The following PAX5 variants were observed in gnomAD, a reference collection of about 807,000 sequenced individuals.
The protein encoded by PAX5 is paired box protein Pax-5.
PAX5 carries 9 observed loss-of-function variants against 43.7 expected under a neutral mutation model. That is an observed-to-expected ratio of 0.21 (90% CI 0.12 to 0.36). The LOEUF is 0.36. Among genes scored for constraint, PAX5 ranks in the 10% least tolerant of loss-of-function variants. PAX5 has a pLI of 1.00. For synonymous variants in PAX5, 228 were observed against 214.3 expected (o/e 1.06, Z -0.56); for missense variants, 383 against 532.7 (o/e 0.72, Z 2.77).
In PAX5 at chr9:36,840,579, G is replaced by A; in HGVS notation, c.1157C>T (p.Thr386Ile). The change falls in exon 10 of 10, where the codon ACT becomes ATT. Residue 386 changes from threonine to isoleucine, a missense_variant. Around this residue, in one of 5 missense-constraint regions of PAX5, gnomAD observed 291 missense variants for 342.5 expected, o/e 0.85. Coordinates refer to ENST00000358127, the MANE Select transcript of PAX5 (RefSeq NM_016734.3). The part of the protein sequence containing the change: ...ARGAAPPAAA[T>I]AYDRH The stretch of plus-strand genomic sequence containing the variant: ...CAAGGGTCAGTGACGGTCATAGGCA[G>A]TGGCGGCTGCAGGTGGGGCGGCTCC... 1 of 1,587,346 alleles carries A rather than the reference G, an allele frequency of 6.3e-7. No homozygotes were observed. Among genetic ancestry groups the A allele is most frequent in the South Asian group, 1.2e-5 (1 of 86,380 alleles).
intron 6 of PAX5, among the ~76,000 whole-genome samples, chr9:36,937,537 C>T (rs1426463830): frequency 6.6e-6 from 1 of 152,202 alleles, no homozygotes; most frequent in African/African-American, 2.4e-5. Context: ...CCACGATGTG[C>T]CGGAGCCCTG....
intron 6 of PAX5, among the ~76,000 whole-genome samples, chr9:36,938,124 G>A (rs1831719179): frequency 6.6e-6 from 1 of 152,172 alleles, no homozygotes; most frequent in South Asian, 2.1e-4. Flanking sequence ...CAACGGTGGT[G>A]TTTCTGCTTG....
In PAX5 at chr9:36,893,803, C is replaced by T. The variant is rs893817845; in HGVS notation, c.911-11698G>A. Among the ~76,000 whole-genome samples, 15 of 152,336 alleles carry T rather than the reference C, an allele frequency of 9.8e-5. No individual in the cohort carries two copies. The East Asian group carries it at 1.5e-3, about 16-fold the overall frequency. ...ACGTGCAGAGCCTTCGCTACTGTAT[C>T]GGCGAGGTTCAGTAATGCTGGTTCC... On this transcript the variant is annotated intron_variant, in intron 7 of 9. Transcript: ENST00000358127.
rs955578717 is a variant in PAX5 at position 36,912,268 on chromosome 9, C to A, written c.910+11087G>T. On this transcript the variant is annotated intron_variant, in intron 7 of 9. Transcript: ENST00000358127. ...TAACTACCATTTATGGGGTGTTTAC[C>A]ACCTGCCAAGCACTGTGCTAAGCAC... Among the ~76,000 whole-genome samples the A allele has an allele frequency of 7.2e-5, 11 of 152,358 alleles. No individual in the cohort carries two copies. In the South Asian group the frequency reaches 1.7e-3, roughly 23 times the overall value.
At chr9:36,950,742 T>G (rs12004247) in intron 6 of PAX5, among the ~76,000 whole-genome samples, 5 of 134,036 alleles carry the variant, frequency 3.7e-5, no homozygotes, top group African/African-American at 1.6e-4. Flanking sequence ...TTTCTTTTTT[T>G]TTTTTTTTTT....
chr9:36,860,979 C>A (rs1239603249), intron 8 of PAX5: 2 of 152,248 alleles, frequency 1.3e-5, no homozygotes, highest in Admixed American at 1.3e-4. Flanking sequence ...CCCCTGTGAC[C>A]AGCCCACACA....
rs532935980 is a variant in PAX5, at chr9:36,843,197, A to G, written c.1100-2561T>C. On this transcript the variant is annotated intron_variant, in intron 9 of 9. Coordinates refer to ENST00000358127, the MANE Select transcript of PAX5 (RefSeq NM_016734.3). ...CCACAGAGCGCACCAATCTAACAGG[A>G]GCACCAAGGGACCTCCGGACAGGTT... 7.2e-5 allele frequency among the ~76,000 whole-genome samples: 11 copies of G among 152,092 alleles called. No individual in the cohort carries two copies. The South Asian group carries it at 2.3e-3, about 32-fold the overall frequency.
chr9:37,034,088 C>CTTTT lies in PAX5; in HGVS notation c.-61_-58dup, dbSNP rs368036487. On this transcript the variant is annotated 5_prime_UTR_variant, in exon 1 of 10. Coordinates refer to ENST00000358127, the MANE Select transcript of PAX5 (RefSeq NM_016734.3). ...GGGAAAAGTTTCCACTTTTTTGTGCCTTTTTTTTTCTTTTTTTTTTTTTTT... is the reference window on the plus strand; with the variant it reads ...GGGAAAAGTTTCCACTTTTTTGTGCCTTTTTTTTTTTTTCTTTTTTTTTTTTTTT... The CTTTT allele has an allele frequency of 1.5e-4, 68 of 448,542 alleles. No individual in the cohort carries two copies. Among genetic ancestry groups the CTTTT allele is most frequent in the South Asian group, 4.5e-4 (13 of 29,066 alleles). The allele number at this position is 448,542 out of a possible 1,614,324, so 27.8% of individuals were successfully genotyped here.
chr9:37,023,758 C>T (rs543111234), intron 1 of PAX5, among the ~76,000 whole-genome samples: 104 of 152,214 alleles, frequency 6.8e-4, no homozygotes, highest in African/African-American at 2.5e-3. Context: ...CTCCAGGACC[C>T]CCACAAGATC....
Position 36,970,710 on chromosome 9 carries a change from A to G in PAX5, c.605-3986T>C, listed in dbSNP as rs3780165. Among the ~76,000 whole-genome samples, 4 of 152,208 alleles carry G rather than the reference A, an allele frequency of 2.6e-5. No individual in the cohort carries two copies. In the East Asian group the frequency reaches 7.7e-4, roughly 29 times the overall value. On this transcript the variant is annotated intron_variant, in intron 5 of 9. Coordinates refer to ENST00000358127, the MANE Select transcript of PAX5 (RefSeq NM_016734.3). ...ACTGTGCCCATATGGAATGGAAACC[A>G]TCTCCCATGGACACGGGCATTGTTC...
At chr9:36,924,165 G>C (rs963480494) in intron 6 of PAX5, among the ~76,000 whole-genome samples, 1 of 152,072 alleles carries the variant, frequency 6.6e-6, no homozygotes, top group Admixed American at 6.5e-5. Flanking sequence ...AAAACCACAG[G>C]GTGCACATAT....
intron 6 of PAX5, among the ~76,000 whole-genome samples, chr9:36,935,385 G>A (rs886991334): frequency 2.2e-5 from 1 of 44,676 alleles, no homozygotes; most frequent in African/African-American, 6.7e-5. Context: ...CATCTCCGAA[G>A]CAAACAAACA....
At chr9:36,995,420 A>T (rs1371210932) in intron 5 of PAX5, among the ~76,000 whole-genome samples, 1 of 152,174 alleles carries the variant, frequency 6.6e-6, no homozygotes, top group Non-Finnish European at 1.5e-5. Flanking sequence ...GAGGAAAGGG[A>T]GGCCCGCGAG....
At chr9:36,904,870 A>T (rs372611926) in intron 7 of PAX5, among the ~76,000 whole-genome samples, 3 of 152,222 alleles carry the variant, frequency 2.0e-5, no homozygotes, top group African/African-American at 7.2e-5. Context: ...CTGAGTACAT[A>T]CTATATTCCA....
Position 37,022,147 on chromosome 9 carries a change from C to T in PAX5, c.47-1346G>A, listed in dbSNP as rs558875805. On this transcript the variant is annotated intron_variant, in intron 1 of 9. Coordinates refer to ENST00000358127, the MANE Select transcript of PAX5 (RefSeq NM_016734.3). ...GTTTCCCATGAATATTTCCCAAAAA[C>T]GTCCAGGCTCAGGCTTATTTCAAGG... is the stretch of plus-strand genomic sequence containing the variant. Among the ~76,000 whole-genome samples the T allele has an allele frequency of 2.8e-4, 43 of 152,276 alleles. 1 individual carries two copies. In the South Asian group the frequency reaches 7.2e-3, roughly 26 times the overall value.
intron 8 of PAX5, among the ~76,000 whole-genome samples, chr9:36,864,553 G>A (rs906494068): frequency 2.4e-4 from 36 of 152,348 alleles, no homozygotes; most frequent in African/African-American, 7.5e-4. Context: ...TGCCCCAGCC[G>A]GACCCTGAGT....
At chr9:36,883,677 G>A (rs11792927) in intron 7 of PAX5, among the ~76,000 whole-genome samples, 8 of 151,226 alleles carry the variant, frequency 5.3e-5, no homozygotes, top group Non-Finnish European at 1.0e-4. Flanking sequence ...TTCACAAAAA[G>A]AAAAGAAAAG....
At chr9:36,915,258 TA>T (rs1563962597) in intron 7 of PAX5, among the ~76,000 whole-genome samples, 1 of 152,192 alleles carries the variant, frequency 6.6e-6, no homozygotes, top group Admixed American at 6.5e-5. Context: ...CGTGTAGCTC[TA>T]AAAAAAGAAA....
chr9:36,836,872 G>T lies in PAX5; in HGVS notation c.*3688C>A, dbSNP rs1330780149. ...TGTCCAGGCCTGGTCAGGGATTATG[G>T]CATGGCCTTGAATTGACTCTGATAC... On this transcript the variant is annotated 3_prime_UTR_variant, in exon 10 of 10. Transcript: ENST00000358127. 4 of 232,310 alleles carry T rather than the reference G, an allele frequency of 1.7e-5. No individual in the cohort carries two copies. The highest frequency in any genetic ancestry group is 3.4e-5 in the Non-Finnish European group (4 of 117,540). 14.4% of individuals were successfully genotyped at this position (232,310 alleles called of 1,614,324 possible). A position where few individuals can be genotyped will look rare whatever the true frequency, so the allele number is the denominator to read the frequency against.
Sources: gnomAD v4.1 joint callset for allele counts (sites outside exome capture counted in the v4.1 genomes callset) on GRCh38, gnomAD v4.1.1 for gene constraint, gnomAD v4.1.1 regional missense constraint, MANE v1.5 for transcripts, NCBI Gene and HGNC (gene_info 2026-07-23, HGNC 2026-07-21) for gene names.